Variants in VSIG10L observed in about 807,000 individuals in gnomAD.
VSIG10L encodes the protein V-set and immunoglobulin domain-containing protein 10-like.
Under a neutral mutation model 67.3 loss-of-function variants are expected in VSIG10L, and 63 were observed. The ratio of observed to expected loss-of-function variants is 0.94; its 90% CI spans 0.76 to 1.15. The LOEUF is 1.15. Ranked by LOEUF, VSIG10L falls within the 50% of genes most tolerant of loss-of-function variation. The probability of loss-of-function intolerance (pLI) is 0.00; values close to 1 mark genes in which losing one functional copy is unlikely to be tolerated. For synonymous variants in VSIG10L, 499 were observed against 524.9 expected (o/e 0.95, Z 0.67); for missense variants, 1,050 against 1,177.5 (o/e 0.89, Z 1.58).
In VSIG10L at chr19:51,340,675, C is replaced by A. The variant is rs926044900; in HGVS notation, c.947G>T (p.Gly316Val). Residue 316 changes from glycine to valine, a missense_variant, in exon 3 of 10, where the codon GGG (glycine) becomes GTG (valine). Physicochemically the swap from Gly to Val is moderately radical, Grantham distance 109. Transcript: ENST00000335624. This position sits in a 1 kb window ranked among gnomAD's most constrained non-coding sequence, Gnocchi z 6.3. ...VQPKAPETEE[G>V]AAELRLRCLG... ...GCAGCGCAGCCGGAGCTCGGCCGCC[C>A]CCTCCTCTGTCTCTGGAGCCTTGGG... 1.6e-5 allele frequency: 24 copies of A among 1,528,170 alleles called. No individual in the cohort carries two copies. In the African/African-American group the frequency reaches 3.2e-4, roughly 20 times the overall value. 94.7% of individuals were successfully genotyped at this position (1,528,170 alleles called of 1,614,324 possible). A position where few individuals can be genotyped will look rare whatever the true frequency, so the allele number is the denominator to read the frequency against.
chr19:51,333,666 G>T, intron 9 of VSIG10L, 125 bp downstream of exon 9: 1 of 1,201,488 alleles, frequency 8.3e-7, no homozygotes, highest in Non-Finnish European at 1.1e-6. Flanking sequence ...AAAGGATAAA[G>T]TTATACAGAC....
At chr19:51,337,017 T>C (rs1046435995) in intron 7 of VSIG10L, among the ~76,000 whole-genome samples, 9 of 152,014 alleles carry the variant, frequency 5.9e-5, no homozygotes, top group African/African-American at 1.4e-4. Context: ...CCACCCGCCT[T>C]GGCCTCCCAA....
At position 51,337,278 on chromosome 19, in the gene VSIG10L, GC is replaced by G. The variant is rs1264460541; in HGVS notation, c.2264del (p.Gly755AlafsTer18). ...GGCTTTGTGATGGAGTCCCTGGCTG[GC>G]CCCCCAGGATGGGCAGGATCCGAAA... ...WTFRILPILG[G>X]QPGTPSQSRV... On this transcript the variant is annotated frameshift_variant, in exon 7 of 10. Coordinates refer to ENST00000335624, the MANE Select transcript of VSIG10L (RefSeq NM_001163922.3). LOFTEE classifies it high-confidence loss of function. 7 of 1,550,812 alleles carry G rather than the reference GC, an allele frequency of 4.5e-6. No homozygotes were observed. The South Asian group carries it at 7.1e-5, about 16-fold the overall frequency.
At position 51,340,229 on chromosome 19, in the gene VSIG10L, C is replaced by T. The variant is rs1027738041; in HGVS notation, c.1260G>A (p.Ala420=). 1 of 1,510,488 alleles carries T rather than the reference C, an allele frequency of 6.6e-7. No individual in the cohort carries two copies. The highest frequency in any genetic ancestry group is 8.8e-7 in the Non-Finnish European group (1 of 1,136,792). The allele number at this position is 1,510,488 out of a possible 1,614,324, so 93.6% of individuals were successfully genotyped here. The change falls in exon 4 of 10, where the codon GCG becomes GCA. Residue 420 remains alanine, a synonymous_variant. Transcript: ENST00000335624. The surrounding 1 kb of genome is among the most constrained non-coding windows in gnomAD (Gnocchi z 6.3). ...CGCAGCGCAAGGTCACGTTACTGCCCGCGGTGACAAAGCGGGCAGGCGCGG... is the reference window on the plus strand; with the variant it reads ...CGCAGCGCAAGGTCACGTTACTGCCTGCGGTGACAAAGCGGGCAGGCGCGG... ...RDAAPARFVT[A]GSNVTLRCAA...
intron 9 of VSIG10L, among the ~76,000 whole-genome samples, chr19:51,333,315 G>C (rs1210412388): frequency 1.3e-5 from 2 of 152,204 alleles, no homozygotes; most frequent in East Asian, 3.9e-4. Context: ...GATCACTTGA[G>C]GTTAGGAGTT....
chr19:51,336,763 ATTTTTTTT>A (rs942291893), intron 7 of VSIG10L, among the ~76,000 whole-genome samples: 368 of 97,064 alleles, frequency 3.8e-3, no homozygotes, highest in Admixed American at 5.7e-3. Flanking sequence ...CGACACCTTG[ATTTTTTTT>A]TTTTTTTTTT....
chr19:51,341,517 A>C lies in VSIG10L; in HGVS notation c.531T>G (p.Pro177=). The C allele has an allele frequency of 2.6e-6, 4 of 1,550,908 alleles. No homozygotes were observed. Among genetic ancestry groups the C allele is most frequent in the Non-Finnish European group, 3.5e-6 (4 of 1,146,744 alleles). ...DMDLKLSAQS[P]ESKFSAETHS... ...GGGTCTCTGCAGAAAATTTGGATTC[A>C]GGGCTCTGGGCAGAGAGTTTAAGAT... Residue 177 remains proline, a synonymous_variant, in exon 2 of 10, where the codon CCT becomes CCG. Coordinates refer to ENST00000335624, the MANE Select transcript of VSIG10L (RefSeq NM_001163922.3).
Position 51,341,565 on chromosome 19 carries a change from TGAATCTGGGGCCTCAACAGACAGTTTG to T in VSIG10L, c.456_482del (p.Leu154_Lys162del). 6.4e-7 allele frequency: 1 copy of T among 1,551,718 alleles called. No individual in the cohort carries two copies. Among genetic ancestry groups the T allele is most frequent in the Non-Finnish European group, 8.7e-7 (1 of 1,147,004 alleles). On this transcript the variant is annotated inframe_deletion, in exon 2 of 10. Transcript: ENST00000335624. ...GATCCATATCATCCGGGGAGAATTT[TGAATCTGGGGCCTCAACAGACAGTTTG>T]GTATGGGAGACTTGAGTAGAAATGT...
At chr19:51,337,606 T>G in intron 6 of VSIG10L, 72 bp from the exon 7 acceptor site, 1 of 376,440 alleles carries the variant, frequency 2.7e-6, no homozygotes, top group Non-Finnish European at 4.1e-6. Context: ...GGGGCTGGGC[T>G]CCTGGGTCTG....
chr19:51,336,274 A>G (rs1025497664), intron 7 of VSIG10L, among the ~76,000 whole-genome samples: 1 of 151,938 alleles, frequency 6.6e-6, no homozygotes, highest in Non-Finnish European at 1.5e-5. Context: ...AAGAGGACAG[A>G]AGCCAGGTGC....
chr19:51,340,234 T>C lies in VSIG10L; in HGVS notation c.1255A>G (p.Thr419Ala). Residue 419 changes from threonine to alanine, a missense_variant, in exon 4 of 10, where the codon ACC becomes GCC. Transcript: ENST00000335624. This position sits in a 1 kb window ranked among gnomAD's most constrained non-coding sequence, Gnocchi z 6.3. ...DRDAAPARFV[T>A]AGSNVTLRCA... ...CGCAAGGTCACGTTACTGCCCGCGG[T>C]GACAAAGCGGGCAGGCGCGGCGTCG... 2.6e-6 allele frequency: 4 copies of C among 1,510,228 alleles called. No homozygotes were observed. The highest frequency in any genetic ancestry group is 3.5e-6 in the Non-Finnish European group (4 of 1,136,902). 93.6% of individuals were successfully genotyped at this position (1,510,228 alleles called of 1,614,324 possible).
At position 51,340,475 on chromosome 19, in the gene VSIG10L, G is replaced by A. The variant is rs757949932; in HGVS notation, c.1147C>T (p.Pro383Ser). The A allele has an allele frequency of 1.9e-5, 28 of 1,513,422 alleles. No individual in the cohort carries two copies. In the East Asian group the frequency reaches 7.0e-4, roughly 38 times the overall value. 93.7% of individuals were successfully genotyped at this position (1,513,422 alleles called of 1,614,324 possible). Reference sequence around the variant, plus strand: ...GCGGCAGCCTCCCTGTGGCCGAAGGGGCTGCGGACGCGGCAAGTGTACCGG... The same window carrying A: ...GCGGCAGCCTCCCTGTGGCCGAAGGAGCTGCGGACGCGGCAAGTGTACCGG... ...HARYTCRVRSPFGHREAAADV... is the reference protein window; with the variant it reads ...HARYTCRVRSSFGHREAAADV... Residue 383 changes from proline (P) to serine (S), a missense_variant, in exon 3 of 10, where the codon CCC (proline) becomes TCC (serine). Around this residue, in one of 3 missense-constraint regions of VSIG10L, gnomAD observed 511 missense variants for 557.9 expected, o/e 0.92. Coordinates refer to ENST00000335624, the MANE Select transcript of VSIG10L (RefSeq NM_001163922.3). This position sits in a 1 kb window ranked among gnomAD's most constrained non-coding sequence, Gnocchi z 6.3.
In VSIG10L at chr19:51,332,424, G is replaced by T; in HGVS notation, c.*187C>A. ...CTCCTTACTTGCACAAATACAGGAAGACTCTTCTTCTGCAGCAAGAGAGGG... is the reference window on the plus strand; with the variant it reads ...CTCCTTACTTGCACAAATACAGGAATACTCTTCTTCTGCAGCAAGAGAGGG... On this transcript the variant is annotated 3_prime_UTR_variant, in exon 10 of 10. Transcript: ENST00000335624. 1.4e-6 allele frequency: 1 copy of T among 718,618 alleles called. No individual in the cohort carries two copies. The highest frequency in any genetic ancestry group is 2.5e-6 in the Non-Finnish European group (1 of 402,320). 44.5% of individuals were successfully genotyped at this position (718,618 alleles called of 1,614,324 possible). A position where few individuals can be genotyped will look rare whatever the true frequency, so the allele number is the denominator to read the frequency against.
At chr19:51,338,278 C>G in intron 5 of VSIG10L, 70 bp from the exon 6 acceptor site, 2 of 1,424,158 alleles carry the variant, frequency 1.4e-6, no homozygotes, top group Non-Finnish European at 1.8e-6. Context: ...GATCCTATGC[C>G]CTACTTTAAA....
rs1328481149 is a variant in VSIG10L at position 51,341,167 on chromosome 19, G to A, written c.881C>T (p.Thr294Met). Residue 294 changes from threonine (T) to methionine (M), a missense_variant, in exon 2 of 10, where the codon ACG becomes ATG. Thr to Met is a moderately conservative substitution (Grantham distance 81, BLOSUM62 -1). This residue lies in a region of VSIG10L where 511 missense variants were observed against 557.9 expected (regional missense o/e 0.92). Transcript: ENST00000335624. ...GGCCCACTTACCATACACACCCACC[G>A]TGAACTCGTGAGTCTGCTGGGAGAC... ...AGVSQQTHEF[T>M]VGVYEPLPQL... 1.1e-5 allele frequency: 17 copies of A among 1,524,602 alleles called. No individual in the cohort carries two copies. Among genetic ancestry groups the A allele is most frequent in the Non-Finnish European group, 1.4e-5 (16 of 1,132,512 alleles). The allele number at this position is 1,524,602 out of a possible 1,614,324, so 94.4% of individuals were successfully genotyped here.
At position 51,342,129 on chromosome 19, in the gene VSIG10L, C is replaced by T. The variant is rs1274604117; in HGVS notation, c.-5G>A. The T allele has an allele frequency of 6.4e-7, 1 of 1,551,594 alleles. No homozygotes were observed. Among genetic ancestry groups the T allele is most frequent in the East Asian group, 2.4e-5 (1 of 40,906 alleles). The stretch of plus-strand genomic sequence containing the variant: ...CAGAGCCTGTGGGTTGTCCATGGTG[C>T]TGGCCTCACTGAAAGGACACTGGAG... On this transcript the variant is annotated 5_prime_UTR_variant, in exon 1 of 10. Transcript: ENST00000335624. The surrounding 1 kb of genome is among the most constrained non-coding windows in gnomAD (Gnocchi z 4.4).
Position 51,340,727 on chromosome 19 carries a change from CT to C in VSIG10L, c.896-2del, listed in dbSNP as rs1418546120. The C allele has an allele frequency of 2.0e-6, 3 of 1,488,580 alleles. No individual in the cohort carries two copies. Among genetic ancestry groups the C allele is most frequent in the Non-Finnish European group, 2.7e-6 (3 of 1,122,082 alleles). The allele number at this position is 1,488,580 out of a possible 1,614,324, so 92.2% of individuals were successfully genotyped here. On this transcript the variant is annotated splice_acceptor_variant, in intron 2 of 9. Transcript: ENST00000335624. LOFTEE classifies it high-confidence loss of function. The surrounding 1 kb of genome is among the most constrained non-coding windows in gnomAD (Gnocchi z 6.3). The stretch of plus-strand genomic sequence containing the variant: ...TGAACCGACAGCTGGGGTAGGGGCT[CT>C]GGGAGAGGGAGAATGGGCTCAGGAC...
Position 51,331,740 on chromosome 19 carries a change from G to C in VSIG10L, c.*871C>G, listed in dbSNP as rs1985364762. 6.6e-6 allele frequency: 1 copy of C among 152,184 alleles called. No homozygotes were observed. The highest frequency in any genetic ancestry group is 2.4e-5 in the African/African-American group (1 of 41,432). The allele number at this position is 152,184 out of a possible 1,614,324, so 9.4% of individuals were successfully genotyped here. On this transcript the variant is annotated 3_prime_UTR_variant, in exon 10 of 10. Transcript: ENST00000335624. ...GATTGCCTGCTGTGTGTGAGGCTCT[G>C]GGTTAAGTGCTGAGTTAATGATGTG...
At position 51,337,335 on chromosome 19, in the gene VSIG10L, G is replaced by C; in HGVS notation, c.2208C>G (p.Pro736=). The C allele has an allele frequency of 1.3e-6, 2 of 1,551,642 alleles. No homozygotes were observed. Among genetic ancestry groups the C allele is most frequent in the Non-Finnish European group, 1.7e-6 (2 of 1,146,972 alleles). Residue 736 remains proline, a synonymous_variant, in exon 7 of 10, where the codon CCC becomes CCG. Coordinates refer to ENST00000335624, the MANE Select transcript of VSIG10L (RefSeq NM_001163922.3). ...LGPQERSAVV[P]LPPRNPGTWT... ...AGGTCCCTGGGTTCCGAGGTGGAAGGGGCACCACGGCTGACCGCTCCTGAG... is the reference window on the plus strand; with the variant it reads ...AGGTCCCTGGGTTCCGAGGTGGAAGCGGCACCACGGCTGACCGCTCCTGAG...
Sources: allele counts gnomAD v4.1 joint callset (sites outside exome capture counted in the v4.1 genomes callset), GRCh38; gene constraint gnomAD v4.1.1; regional missense constraint gnomAD v4.1.1; non-coding constraint Gnocchi (gnomAD v3.1); transcripts MANE v1.5; gene names NCBI Gene and HGNC (gene_info 2026-07-23, HGNC 2026-07-21).